ZNF800: variants seen among roughly 807,000 people sequenced by gnomAD.
ZNF800 encodes the protein zinc finger protein 800.
Under a neutral mutation model 59.5 loss-of-function variants are expected in ZNF800, and 13 were observed. The observed-to-expected ratio is 0.22, with a 90% CI of 0.14 to 0.35. The LOEUF (loss-of-function observed/expected upper bound fraction) is 0.35. ZNF800 is among the 10% of genes least tolerant of loss of function. The probability of loss-of-function intolerance (pLI) is 1.00; values close to 1 mark genes in which losing one functional copy is unlikely to be tolerated. For synonymous variants in ZNF800, 266 were observed against 265.7 expected (o/e 1.00, Z -0.01); for missense variants, 621 against 783.7 (o/e 0.79, Z 2.48).
intron 1 of ZNF800, among the ~76,000 whole-genome samples, chr7:127,352,957 G>GAGC (rs1165411907): frequency 6.6e-6 from 1 of 151,248 alleles, no homozygotes; most frequent in African/African-American, 2.4e-5. Flanking sequence ...ATGAGAAAAG[G>GAGC]AACAAAATAT....
intron 2 of ZNF800, among the ~76,000 whole-genome samples, chr7:127,387,969 G>A (rs1191471397): frequency 1.3e-5 from 2 of 150,582 alleles, no homozygotes; most frequent in African/African-American, 4.9e-5. Context: ...GAGAATATCT[G>A]ACATTGGCAC....
downstream of ZNF800, among the ~76,000 whole-genome samples, chr7:127,345,495 T>TGTG (rs1448400874): frequency 2.0e-5 from 3 of 152,102 alleles, no homozygotes; most frequent in African/African-American, 7.2e-5. Flanking sequence ...AGGATACGGT[T>TGTG]GTGGTGGGAG....
At chr7:127,372,589 T>C (rs187403713) in intron 5 of ZNF800, 11,371 of 979,248 alleles carry the variant, frequency 0.012, 79 homozygotes, top group Non-Finnish European at 0.013. Context: ...ATATTAACTA[T>C]GTTAAAATGA....
intron 1 of ZNF800, among the ~76,000 whole-genome samples, chr7:127,356,018 G>A (rs1037204341): frequency 6.6e-6 from 1 of 151,946 alleles, no homozygotes; most frequent in Non-Finnish European, 1.5e-5. Context: ...AAATCAAGAG[G>A]TGCCAGTTTT....
At chr7:127,351,175 T>C (rs140706025) in intron 1 of ZNF800, among the ~76,000 whole-genome samples, 1 of 152,314 alleles carries the variant, frequency 6.6e-6, no homozygotes, top group Non-Finnish European at 1.5e-5. Context: ...GTCAAACTAT[T>C]TGATTCTGCA....
chr7:127,371,901 AAAG>A, intron 5 of ZNF800, 87 bp from the exon 6 acceptor site: 1 of 631,808 alleles, frequency 1.6e-6, no homozygotes, highest in Non-Finnish European at 2.9e-6. Context: ...ATTACTTCTA[AAAG>A]ATGGTTTCAT....
intron 3 of ZNF800, among the ~76,000 whole-genome samples, chr7:127,385,544 G>C (rs1801111821): frequency 6.6e-6 from 1 of 152,124 alleles, no homozygotes; most frequent in African/African-American, 2.4e-5. Flanking sequence ...ATCAGGGCTG[G>C]AATATTGTCT....
chr7:127,373,699 G>C lies in ZNF800; in HGVS notation c.1637C>G (p.Ser546Cys). 6.2e-7 allele frequency: 1 copy of C among 1,614,166 alleles called. No individual in the cohort carries two copies. The highest frequency in any genetic ancestry group is 8.5e-7 in the Non-Finnish European group (1 of 1,180,018). Residue 546 changes from serine (S) to cysteine (C), a missense_variant, in exon 5 of 6, where the codon TCT (serine) becomes TGT (cysteine). This residue lies in a region of ZNF800 where 46 missense variants were observed against 118.4 expected (regional missense o/e 0.39). Coordinates refer to ENST00000265827, the MANE Select transcript of ZNF800 (RefSeq NM_176814.5). ...GGCTGTTATTTTCCCAAGATAACGA[G>C]ATGACTTTTTATGAACCACAGTTAT... is the stretch of plus-strand genomic sequence containing the variant. ...RHITVVHKKS[S>C]RYLGKITASL... is the part of the protein sequence containing the mutation.
At chr7:127,346,111 A>G (rs1222146475), downstream of ZNF800, among the ~76,000 whole-genome samples, 2 of 152,194 alleles carry the variant, frequency 1.3e-5, no homozygotes, top group East Asian at 3.8e-4. Flanking sequence ...AGCTCCCTCT[A>G]TTATCACAAA....
chr7:127,382,172 A>G (rs972444978), intron 3 of ZNF800, among the ~76,000 whole-genome samples: 1 of 152,164 alleles, frequency 6.6e-6, no homozygotes, highest in African/African-American at 2.4e-5. Flanking sequence ...AGAACTTAAA[A>G]AGAAGATGTC....
chr7:127,355,248 C>T (rs775361876), intron 1 of ZNF800, among the ~76,000 whole-genome samples: 1 of 151,762 alleles, frequency 6.6e-6, no homozygotes, highest in Admixed American at 6.6e-5. Flanking sequence ...AAAGCTTAGA[C>T]CAGGAAAAAT....
downstream of ZNF800, among the ~76,000 whole-genome samples, chr7:127,367,380 C>G (rs1800532617): frequency 6.6e-6 from 1 of 152,092 alleles, no homozygotes; most frequent in Non-Finnish European, 1.5e-5. Flanking sequence ...AATTAGATGA[C>G]TAGTGTAAGT....
rs1801132531 is a variant in ZNF800 at position 127,386,115 on chromosome 7, T to C, written c.102A>G (p.Gln34=). 1.2e-5 allele frequency: 20 copies of C among 1,611,692 alleles called. No homozygotes were observed. Among genetic ancestry groups the C allele is most frequent in the African/African-American group, 2.7e-5 (2 of 74,860 alleles). ...TACCAGATTTGGATGTCTGTAGTGGTTGCTGTAACAAAGGAGGATCTCCAG... is the reference window on the plus strand; with the variant it reads ...TACCAGATTTGGATGTCTGTAGTGGCTGCTGTAACAAAGGAGGATCTCCAG... The part of the protein sequence containing the change: ...LEPGDPPLLQ[Q]PLQTSKSGIQ... Residue 34 remains glutamine, a synonymous_variant, in exon 3 of 6, where the codon CAA becomes CAG. Transcript: ENST00000265827.
chr7:127,358,417 T>C (rs903367426), intron 1 of ZNF800, among the ~76,000 whole-genome samples: 4 of 152,056 alleles, frequency 2.6e-5, no homozygotes, highest in East Asian at 1.9e-4. Flanking sequence ...AGTCTCTTAA[T>C]TGATTTCCCT....
chr7:127,384,712 T>G (rs1270937652), intron 3 of ZNF800, among the ~76,000 whole-genome samples: 1 of 152,170 alleles, frequency 6.6e-6, no homozygotes, highest in Admixed American at 6.5e-5. Flanking sequence ...TAATCTCTAT[T>G]CTAAAAGAAG....
At chr7:127,382,035 T>C (rs1252961623) in intron 3 of ZNF800, among the ~76,000 whole-genome samples, 2 of 152,142 alleles carry the variant, frequency 1.3e-5, no homozygotes, top group Non-Finnish European at 2.9e-5. Context: ...ACAATTAAAG[T>C]TACAATTTAT....
At position 127,392,175 on chromosome 7, in the gene ZNF800, G is replaced by C; in HGVS notation, c.-174C>G. ...GGCCCCACCTGGCGCAGCCTCCGCT[G>C]ACCACGCGGGGGAACCCGGACTCGG... On this transcript the variant is annotated 5_prime_UTR_variant, in exon 1 of 6. Transcript: ENST00000265827. 2.5e-6 allele frequency: 1 copy of C among 394,954 alleles called. No homozygotes were observed. Among genetic ancestry groups the C allele is most frequent in the Non-Finnish European group, 4.5e-6 (1 of 223,614 alleles). The allele number at this position is 394,954 out of a possible 1,614,324, so 24.5% of individuals were successfully genotyped here.
downstream of ZNF800, among the ~76,000 whole-genome samples, chr7:127,369,191 A>C (rs1800576282): frequency 6.6e-6 from 1 of 152,154 alleles, no homozygotes; most frequent in African/African-American, 2.4e-5. Flanking sequence ...CACCACACTT[A>C]GGAATGGAAG....
chr7:127,379,870 C>CACACACAG (rs1434431281), intron 3 of ZNF800, among the ~76,000 whole-genome samples: 2 of 83,848 alleles, frequency 2.4e-5, no homozygotes, highest in African/African-American at 1.2e-4. Context: ...CACACACACA[C>CACACACAG]AGAGAGAGAG....
Sources: gnomAD v4.1 joint callset for allele counts (sites outside exome capture counted in the v4.1 genomes callset) on GRCh38, gnomAD v4.1.1 for gene constraint, gnomAD v4.1.1 regional missense constraint, MANE v1.5 for transcripts, NCBI Gene and HGNC (gene_info 2026-07-23, HGNC 2026-07-21) for gene names.